The following DMXL1 variants were observed in gnomAD, a reference collection of about 807,000 sequenced individuals.
DMXL1 encodes the protein dmX-like protein 1.
DMXL1 carries 99 observed loss-of-function variants against 319.2 expected under a neutral mutation model. The observed-to-expected ratio is 0.31, with a 90% confidence interval of 0.26 to 0.37. DMXL1 has a LOEUF of 0.37. DMXL1 is among the 10% of genes least tolerant of loss of function. The pLI is 1.00. For missense variants in DMXL1, 3,745 were observed against 3,595.6 expected (o/e 1.04, Z -1.06); for synonymous variants, 1,385 against 1,235.2 (o/e 1.12, Z -2.54).
chr5:119,073,349 A>G (rs187537273), intron 1 of DMXL1, among the ~76,000 whole-genome samples: 23 of 152,330 alleles, frequency 1.5e-4, no homozygotes, highest in African/African-American at 5.1e-4. Context: ...GGCGTGAGCC[A>G]CCATGCCCAG....
At chr5:119,136,230 G>C (rs1765965021) in intron 13 of DMXL1, among the ~76,000 whole-genome samples, 1 of 152,186 alleles carries the variant, frequency 6.6e-6, no homozygotes, top group Admixed American at 6.5e-5. Context: ...GATGATTTAG[G>C]TTATCTGGCA....
intron 1 of DMXL1, among the ~76,000 whole-genome samples, chr5:119,086,327 T>G (rs1186958459): frequency 1.3e-5 from 2 of 152,112 alleles, no homozygotes; most frequent in African/African-American, 4.8e-5. Context: ...CAAGATGAGA[T>G]TTGGGTGGGG....
At chr5:119,135,012 A>G (rs112693653) in intron 13 of DMXL1, among the ~76,000 whole-genome samples, 2,574 of 152,288 alleles carry the variant, frequency 0.017, 69 homozygotes, top group African/African-American at 0.058. Flanking sequence ...CTCCCTGACT[A>G]CCAATTAATG....
intron 29 of DMXL1, among the ~76,000 whole-genome samples, chr5:119,193,284 C>A (rs1485081371): frequency 6.6e-6 from 1 of 152,104 alleles, no homozygotes; most frequent in African/African-American, 2.4e-5. Flanking sequence ...TTTTGCTTAG[C>A]AGACTTGATC....
intron 42 of DMXL1, among the ~76,000 whole-genome samples, chr5:119,243,202 T>C (rs777446285): frequency 9.2e-5 from 14 of 152,220 alleles, no homozygotes; most frequent in Non-Finnish European, 2.1e-4. Context: ...TGGGAAGTTA[T>C]ATCTCAAAGT....
At chr5:119,158,436 C>G (rs1771573939) in intron 19 of DMXL1, among the ~76,000 whole-genome samples, 1 of 152,128 alleles carries the variant, frequency 6.6e-6, no homozygotes, top group Non-Finnish European at 1.5e-5. Context: ...GTGACATTTT[C>G]ACTTCTTTAT....
At chr5:119,086,776 G>A (rs112555872) in intron 1 of DMXL1, among the ~76,000 whole-genome samples, 4,919 of 152,012 alleles carry the variant, frequency 0.032, 249 homozygotes, top group African/African-American at 0.11. Flanking sequence ...TTTGAGTAGA[G>A]TTGGTATTAG....
chr5:119,148,744 C>T lies in DMXL1; in HGVS notation c.2917C>T (p.Leu973=). 1 of 1,603,094 alleles carries T rather than the reference C, an allele frequency of 6.2e-7. No individual in the cohort carries two copies. Among genetic ancestry groups the T allele is most frequent in the Non-Finnish European group, 8.5e-7 (1 of 1,172,868 alleles). ...IISIKPSAGH[L]SSSSIYPACS... ...ACGGATTATTTTTATTTTAGGACAT[C>T]TGAGTTCATCTTCTATATATCCTGC... is the stretch of plus-strand genomic sequence containing the variant. Residue 973 remains leucine, a synonymous_variant, in exon 18 of 44, where the codon CTG becomes TTG. Transcript: ENST00000539542.
chr5:119,197,171 A>C (rs1199945802), intron 31 of DMXL1, among the ~76,000 whole-genome samples: 1 of 152,158 alleles, frequency 6.6e-6, no homozygotes, highest in Non-Finnish European at 1.5e-5. Flanking sequence ...TTTTCTACAG[A>C]TCTTAAAGAG....
At chr5:119,082,446 T>A (rs1474014673) in intron 1 of DMXL1, among the ~76,000 whole-genome samples, 1 of 151,994 alleles carries the variant, frequency 6.6e-6, no homozygotes, top group Non-Finnish European at 1.5e-5. Context: ...GGCTAATTTT[T>A]AAAATTTTTT....
At chr5:119,245,378 C>A (rs895725392) in intron 43 of DMXL1, among the ~76,000 whole-genome samples, 1 of 152,122 alleles carries the variant, frequency 6.6e-6, no homozygotes, top group African/African-American at 2.4e-5. Context: ...AAATTGTTTT[C>A]ATAATTCTCA....
intron 25 of DMXL1, 70 bp downstream of exon 25, chr5:119,172,039 C>G: frequency 1.5e-6 from 2 of 1,369,914 alleles, no homozygotes; most frequent in Non-Finnish European, 2.0e-6. Flanking sequence ...AATATTAAGG[C>G]TTTTTTTTAA....
chr5:119,197,407 C>T (rs766032292), intron 31 of DMXL1, among the ~76,000 whole-genome samples: 4 of 152,096 alleles, frequency 2.6e-5, no homozygotes, highest in Non-Finnish European at 1.5e-5. Context: ...CTGTCTGGGC[C>T]GCATGCAGCC....
chr5:119,145,366 G>A (rs571815399), intron 15 of DMXL1, among the ~76,000 whole-genome samples: 6 of 151,582 alleles, frequency 4.0e-5, no homozygotes, highest in African/African-American at 1.2e-4. Context: ...GCACTTTTAT[G>A]TTGACATCTA....
chr5:119,112,408 A>C (rs1006505438), intron 5 of DMXL1, among the ~76,000 whole-genome samples: 19 of 152,226 alleles, frequency 1.2e-4, no homozygotes, highest in African/African-American at 4.3e-4. Context: ...GATGCTTAGA[A>C]TATTGCTATG....
At chr5:119,128,714 G>C (rs1764153093) in intron 9 of DMXL1, among the ~76,000 whole-genome samples, 1 of 152,034 alleles carries the variant, frequency 6.6e-6, no homozygotes, top group South Asian at 2.1e-4. Context: ...GGGGAATATG[G>C]CTGTACCTTT....
rs115098067 is a variant in DMXL1, at chr5:119,081,762, T to C, written c.87+10106T>C. The C allele has an allele frequency of 1.0e-4, 99 of 977,564 alleles. 1 individual carries two copies. In the African/African-American group the frequency reaches 1.5e-3, roughly 15 times the overall value. The allele number at this position is 977,564 out of a possible 1,614,324, so 60.6% of individuals were successfully genotyped here. On this transcript the variant is annotated intron_variant, in intron 1 of 43. Transcript: ENST00000539542. The stretch of plus-strand genomic sequence containing the variant: ...AAATTGAGACTGTGCATGGAGAATT[T>C]TGTTCTTACGTGTATTTGAAGGTAG...
At chr5:119,198,427 T>G (rs1678207393) in intron 32 of DMXL1, among the ~76,000 whole-genome samples, 1 of 152,222 alleles carries the variant, frequency 6.6e-6, no homozygotes, top group African/African-American at 2.4e-5. Flanking sequence ...CCAATAAACT[T>G]TATTTCTTAA....
At position 119,089,999 on chromosome 5, in the gene DMXL1, C is replaced by CTTTTTTTTTTTT. The variant is rs70982467; in HGVS notation, c.88-7953_88-7942dup. Among the ~76,000 whole-genome samples, 74 of 34,398 alleles carry CTTTTTTTTTTTT rather than the reference C, an allele frequency of 2.2e-3. 22 individuals are homozygous for CTTTTTTTTTTTT. The highest frequency in any genetic ancestry group is 3.0e-3 in the East Asian group (2 of 656). The allele number at this position is 34,398 out of a possible 152,430, so 22.6% of individuals were successfully genotyped here. A position where few individuals can be genotyped will look rare whatever the true frequency, so the allele number is the denominator to read the frequency against. ...TGATTATTTTATGCTTCGGGTTAGT[C>CTTTTTTTTTTTT]TTTTTTTTTTTTTTTTTTTTTTTTT... On this transcript the variant is annotated intron_variant, in intron 1 of 43. Coordinates refer to ENST00000539542, the MANE Select transcript of DMXL1 (RefSeq NM_001290321.3).
Sources: gnomAD v4.1 joint callset for allele counts (sites outside exome capture counted in the v4.1 genomes callset) on GRCh38, gnomAD v4.1.1 for gene constraint, MANE v1.5 for transcripts, NCBI Gene and HGNC (gene_info 2026-07-23, HGNC 2026-07-21) for gene names.